Variants in VSIG10 observed in about 807,000 individuals in gnomAD.
VSIG10 encodes V-set and immunoglobulin domain containing 10, also known as V-set and immunoglobulin domain-containing protein 10.
A neutral mutation model predicts 58.7 loss-of-function variants in VSIG10; 48 were observed. The observed-to-expected ratio is 0.82, with a 90% confidence interval of 0.65 to 1.04. VSIG10 has a LOEUF of 1.04. VSIG10 is among the 50% of genes least tolerant of loss of function. VSIG10 has a pLI of 0.00. For missense variants in VSIG10, 628 were observed against 670.0 expected (o/e 0.94, Z 0.69); for synonymous variants, 260 against 267.1 (o/e 0.97, Z 0.26).
intron 4 of VSIG10, among the ~76,000 whole-genome samples, chr12:118,078,954 AAAAAAAAAAAAAAAT>A (rs2032836106): frequency 6.9e-6 from 1 of 145,726 alleles, no homozygotes; most frequent in African/African-American, 2.6e-5. Context: ...AAAAAAAAAA[AAAAAAAAAAAAAAAT>A]TTTCTTTATA....
At position 118,073,276 on chromosome 12, in the gene VSIG10, C is replaced by T. The variant is rs550113884; in HGVS notation, c.1219+423G>A. On this transcript the variant is annotated intron_variant, in intron 5 of 8. Transcript: ENST00000359236. ...CTGGCCTCAAGTGATCCACCCGCCT[C>T]GGCCTCCCAAAGTGCTGGGATTACA... 2.4e-3 allele frequency among the ~76,000 whole-genome samples: 366 copies of T among 152,314 alleles called. 1 individual carries two copies. Among genetic ancestry groups the T allele is most frequent in the African/African-American group, 8.2e-3 (342 of 41,570 alleles).
intron 1 of VSIG10, chr12:118,103,296 A>G (rs1254221657): frequency 9.0e-6 from 3 of 334,640 alleles, no homozygotes; most frequent in Non-Finnish European, 1.6e-5. Flanking sequence ...CTTTCCCGGC[A>G]CACGTGCCTC....
At chr12:118,068,198 T>C (rs915559094) in intron 8 of VSIG10, among the ~76,000 whole-genome samples, 179 bp downstream of exon 8, 5 of 142,692 alleles carry the variant, frequency 3.5e-5, no homozygotes, top group African/African-American at 1.0e-4. Context: ...ATTTTTCTTT[T>C]TTTTTTTTTT....
rs372127078 is a variant in VSIG10, at chr12:118,092,879, G to A, written c.361+2654C>T. Among the ~76,000 whole-genome samples the A allele has an allele frequency of 1.7e-4, 26 of 151,818 alleles. 1 individual carries two copies. The East Asian group carries it at 3.3e-3, about 19-fold the overall frequency. ...TCAAACTCCTGGGCTCAAATCATCC[G>A]TCCGCCTCAGCCTCCCAAAGTGCTG... is the stretch of plus-strand genomic sequence containing the variant. On this transcript the variant is annotated intron_variant, in intron 2 of 8. Transcript: ENST00000359236.
chr12:118,076,007 T>C (rs1043147858), intron 4 of VSIG10, among the ~76,000 whole-genome samples: 1 of 152,194 alleles, frequency 6.6e-6, no homozygotes, highest in African/African-American at 2.4e-5. Context: ...GCCTTCCTTC[T>C]ATGCTATACA....
chr12:118,099,664 T>G (rs1592900242), intron 1 of VSIG10, among the ~76,000 whole-genome samples: 2 of 152,188 alleles, frequency 1.3e-5, no homozygotes, highest in Admixed American at 1.3e-4. Flanking sequence ...TGTATAACCC[T>G]GGACTACACT....
At chr12:118,080,344 A>G (rs2032902986) in intron 3 of VSIG10, among the ~76,000 whole-genome samples, 1 of 151,608 alleles carries the variant, frequency 6.6e-6, no homozygotes, top group Non-Finnish European at 1.5e-5. Flanking sequence ...TTTTTTAAAT[A>G]GAGACAGGGT....
intron 2 of VSIG10, 60 bp downstream of exon 2, chr12:118,095,469 TGGTC>T: frequency 6.3e-7 from 1 of 1,586,724 alleles, no homozygotes; most frequent in South Asian, 1.1e-5. Flanking sequence ...TTCCTGACCA[TGGTC>T]TCCTCCTTTC....
chr12:118,099,448 C>A (rs1314701416), intron 1 of VSIG10, among the ~76,000 whole-genome samples: 2 of 151,826 alleles, frequency 1.3e-5, no homozygotes, highest in Non-Finnish European at 2.9e-5. Context: ...CCCAGCCAAC[C>A]CTGACTCATA....
chr12:118,073,941 T>C lies in VSIG10; in HGVS notation c.977A>G (p.Asn326Ser), dbSNP rs1315380537. The C allele has an allele frequency of 6.2e-7, 1 of 1,606,346 alleles. No homozygotes were observed. Among genetic ancestry groups the C allele is most frequent in the Non-Finnish European group, 8.5e-7 (1 of 1,175,124 alleles). The change falls in exon 5 of 9, where the codon AAT becomes AGT. Residue 326 changes from asparagine to serine, a missense_variant. By Grantham distance (46) the Asn-to-Ser change is conservative (BLOSUM62 1). Transcript: ENST00000359236. ...EPMKTCFTGG[N>S]VTLTCQVSGA... ...AGACACCTGGCATGTAAGCGTCACA[T>C]TGCCCCCAGTGAAGCAAGTCTTCAT...
intron 4 of VSIG10, among the ~76,000 whole-genome samples, chr12:118,076,585 G>A (rs926037888): frequency 4.6e-5 from 7 of 151,862 alleles, no homozygotes; most frequent in South Asian, 2.1e-4. Context: ...CAATATGCCC[G>A]TCCTTGGCCT....
chr12:118,095,678 G>A lies in VSIG10; in HGVS notation c.216C>T (p.Ser72=). The A allele has an allele frequency of 1.9e-6, 3 of 1,613,976 alleles. No homozygotes were observed. The highest frequency in any genetic ancestry group is 2.5e-6 in the Non-Finnish European group (3 of 1,179,892). Residue 72 remains serine, a synonymous_variant, in exon 2 of 9, where the codon AGC becomes AGT. Coordinates refer to ENST00000359236, the MANE Select transcript of VSIG10 (RefSeq NM_019086.6). ...AGAAGCGAGGCTCAGCTGGCCGGAG[G>A]CTAGAGTTGGACGAGAGAAGGAAGA... The part of the protein sequence containing the change: ...EPVFLLSSNS[S]LRPAEPRFSL...
chr12:118,082,427 C>T lies in VSIG10; in HGVS notation c.364G>A (p.Gly122Ser), dbSNP rs750908297. ...ATGTGGACCTCAATCTGATAGGGGC[C>T]GCCTGGGGATGACAGGGGGAATAGG... ...WFQVWLQVAS[G>S]PYQIEVHIVA... The change falls in exon 3 of 9, where the codon GGC becomes AGC. Residue 122 changes from glycine to serine, a missense_variant and splice_region_variant. Coordinates refer to ENST00000359236, the MANE Select transcript of VSIG10 (RefSeq NM_019086.6). The T allele has an allele frequency of 1.2e-5, 19 of 1,606,116 alleles. No individual in the cohort carries two copies. The highest frequency in any genetic ancestry group is 1.2e-4 in the Admixed American group (7 of 59,688).
chr12:118,088,552 T>A (rs983050423), intron 2 of VSIG10, among the ~76,000 whole-genome samples: 1 of 152,128 alleles, frequency 6.6e-6, no homozygotes, highest in Non-Finnish European at 1.5e-5. Flanking sequence ...ACCACTGCCA[T>A]CCCAGAAAGA....
intron 2 of VSIG10, among the ~76,000 whole-genome samples, chr12:118,087,855 A>AAAAAAAAAGAGAG (rs766337791): frequency 4.6e-5 from 6 of 131,236 alleles, no homozygotes; most frequent in Non-Finnish European, 6.6e-5. Flanking sequence ...AAAAAAAAAA[A>AAAAAAAAAGAGAG]AGAGAGAGAA....
In VSIG10 at chr12:118,064,643, TG is replaced by T. The variant is rs1446522570; in HGVS notation, c.*1995del. Reference sequence around the variant, plus strand: ...ACACTGTTGAGAATGGTTAAGTACGTGGGGTACCTTGCAGCAAAAGACAAAA... The same window carrying T: ...ACACTGTTGAGAATGGTTAAGTACGTGGGTACCTTGCAGCAAAAGACAAAA... On this transcript the variant is annotated 3_prime_UTR_variant, in exon 9 of 9. Coordinates refer to ENST00000359236, the MANE Select transcript of VSIG10 (RefSeq NM_019086.6). 4 of 152,208 alleles carry T rather than the reference TG, an allele frequency of 2.6e-5. No individual in the cohort carries two copies. Among genetic ancestry groups the T allele is most frequent in the Non-Finnish European group, 5.9e-5 (4 of 68,050 alleles). The allele number at this position is 152,208 out of a possible 1,614,324, so 9.4% of individuals were successfully genotyped here.
At position 118,064,568 on chromosome 12, in the gene VSIG10, A is replaced by C. The variant is rs954815512; in HGVS notation, c.*2071T>G. The C allele has an allele frequency of 6.6e-6, 1 of 152,018 alleles. No homozygotes were observed. Among genetic ancestry groups the C allele is most frequent in the Non-Finnish European group, 1.5e-5 (1 of 68,050 alleles). The allele number at this position is 152,018 out of a possible 1,614,324, so 9.4% of individuals were successfully genotyped here. A position where few individuals can be genotyped will look rare whatever the true frequency, so the allele number is the denominator to read the frequency against. On this transcript the variant is annotated 3_prime_UTR_variant, in exon 9 of 9. Coordinates refer to ENST00000359236, the MANE Select transcript of VSIG10 (RefSeq NM_019086.6). Reference sequence around the variant, plus strand: ...AAAGGAGAGACTCACTCAGTAATTCAGTGACTTTAGAAGCAAGCTGAGTAT... The same window carrying C: ...AAAGGAGAGACTCACTCAGTAATTCCGTGACTTTAGAAGCAAGCTGAGTAT...
In VSIG10 at chr12:118,103,739, C is replaced by T. The variant is rs2137974292; in HGVS notation, c.-68G>A. 1 of 1,358,892 alleles carries T rather than the reference C, an allele frequency of 7.4e-7. No individual in the cohort carries two copies. Among genetic ancestry groups the T allele is most frequent in the Non-Finnish European group, 9.5e-7 (1 of 1,055,198 alleles). The allele number at this position is 1,358,892 out of a possible 1,614,324, so 84.2% of individuals were successfully genotyped here. ...GCTGGACGTGTGTGCCCCAGGGCCC[C>T]GGGGCCCGGGGTACCGAGGGCTCCT... On this transcript the variant is annotated 5_prime_UTR_variant, in exon 1 of 9. Transcript: ENST00000359236.
At chr12:118,086,783 T>G (rs2033141003) in intron 2 of VSIG10, among the ~76,000 whole-genome samples, 1 of 152,168 alleles carries the variant, frequency 6.6e-6, no homozygotes, top group East Asian at 1.9e-4. Flanking sequence ...TTTTTTGAGA[T>G]GGAGTCTCAC....
Sources: allele counts gnomAD v4.1 joint callset (sites outside exome capture counted in the v4.1 genomes callset), GRCh38; gene constraint gnomAD v4.1.1; transcripts MANE v1.5; gene names NCBI Gene and HGNC (gene_info 2026-07-23, HGNC 2026-07-21).